Variants in MYO9B observed in about 807,000 individuals in gnomAD.
MYO9B encodes the protein myosin IXB, also known as unconventional myosin-IXb.
Under a neutral mutation model 229.5 loss-of-function variants are expected in MYO9B, and 71 were observed. That is an observed-to-expected ratio of 0.31 (90% CI 0.26 to 0.38). The LOEUF (loss-of-function observed/expected upper bound fraction) is 0.38, where lower values mean the gene tolerates loss of function less well. Among genes scored for constraint, MYO9B ranks in the 10% least tolerant of loss-of-function variants. MYO9B has a pLI of 1.00. For missense variants in MYO9B, 2,255 were observed against 2,920.5 expected (o/e 0.77, Z 5.25); for synonymous variants, 1,185 against 1,235.8 (o/e 0.96, Z 0.86).
At chr19:17,173,077 A>C in intron 13 of MYO9B, 114 bp downstream of exon 13, 2 of 1,248,280 alleles carry the variant, frequency 1.6e-6, no homozygotes, top group Non-Finnish European at 2.2e-6. Context: ...TATGTTGTGC[A>C]AACGCCACCT....
At chr19:17,104,354 T>G (rs1308705239) in intron 2 of MYO9B, among the ~76,000 whole-genome samples, 1 of 152,142 alleles carries the variant, frequency 6.6e-6, no homozygotes, top group African/African-American at 2.4e-5. Context: ...CTGCCCACTG[T>G]TCATTGCCCT....
rs2057749559 is a variant in MYO9B at position 17,101,999 on chromosome 19, G to A, written c.282G>A (p.Arg94=). 2 of 1,612,804 alleles carry A rather than the reference G, an allele frequency of 1.2e-6. No homozygotes were observed. Among genetic ancestry groups the A allele is most frequent in the Non-Finnish European group, 1.7e-6 (2 of 1,179,874 alleles). ...ACCGGGTGCTGCTATGGCCCCGGCG[G>A]GCACAGGACGAGCACCCTCAGGAGG... is the stretch of plus-strand genomic sequence containing the variant. ...PVHRVLLWPR[R]AQDEHPQEDG... The change falls in exon 2 of 40, where the codon CGG becomes CGA. Residue 94 remains arginine (R), a synonymous_variant. Transcript: ENST00000682292. This position sits in a 1 kb window ranked among gnomAD's most constrained non-coding sequence, Gnocchi z 4.7.
chr19:17,198,854 G>A (rs946703008), intron 24 of MYO9B, among the ~76,000 whole-genome samples: 9 of 151,360 alleles, frequency 5.9e-5, no homozygotes, highest in Non-Finnish European at 7.4e-5. Context: ...TGTCTCTATC[G>A]GCACTTGGCC....
At chr19:17,197,455 G>GATAGATAGATAGACAGATAC (rs1555704440) in intron 22 of MYO9B, among the ~76,000 whole-genome samples, 1 of 148,032 alleles carries the variant, frequency 6.8e-6, no homozygotes, top group African/African-American at 2.5e-5. Flanking sequence ...TAGATACATA[G>GATAGATAGATAGACAGATAC]ATAGATAGAT....
Position 17,076,111 on chromosome 19 carries a change from A to T in MYO9B, c.-59+237A>T, listed in dbSNP as rs541676534. Among the ~76,000 whole-genome samples the T allele has an allele frequency of 3.5e-5, 5 of 143,334 alleles. No individual in the cohort carries two copies. In the East Asian group the frequency reaches 1.0e-3, roughly 29 times the overall value. The allele number at this position is 143,334 out of a possible 152,430, so 94.0% of individuals were successfully genotyped here. On this transcript the variant is annotated intron_variant, in intron 1 of 39. Transcript: ENST00000682292. ...GGAGTTCGAGGGCGTGGGGGGGGTG[A>T]GTCTTGTGGCTTTGAGCAGCTTCTC...
rs1231246616 is a variant in MYO9B at position 17,163,371 on chromosome 19, A to AC, written c.1671+250dup. Among the ~76,000 whole-genome samples, 7 of 59,136 alleles carry AC rather than the reference A, an allele frequency of 1.2e-4. No individual in the cohort carries two copies. The East Asian group carries it at 3.1e-3, about 26-fold the overall frequency. The allele number at this position is 59,136 out of a possible 152,430, so 38.8% of individuals were successfully genotyped here. ...GCAAGCCCTGAACTCACCCCATTCC[A>AC]CTTTTTTTTTTTTTTTTTTTTTTGA... On this transcript the variant is annotated intron_variant, in intron 10 of 39. Transcript: ENST00000682292.
chr19:17,120,164 C>G (rs1437502906), intron 2 of MYO9B, among the ~76,000 whole-genome samples: 1 of 152,134 alleles, frequency 6.6e-6, no homozygotes, highest in East Asian at 1.9e-4. Flanking sequence ...TCAGGAGCAG[C>G]AAGGGTCTTT....
chr19:17,117,842 G>A (rs1599340580), intron 2 of MYO9B, among the ~76,000 whole-genome samples: 1 of 150,378 alleles, frequency 6.6e-6, no homozygotes, highest in East Asian at 2.0e-4. Context: ...GGAAGCTGAG[G>A]CAGGAGAATG....
chr19:17,180,882 TC>T, intron 14 of MYO9B, 44 bp from the exon 15 acceptor site: 1 of 1,378,158 alleles, frequency 7.3e-7, no homozygotes, highest in Non-Finnish European at 1.0e-6. Context: ...TGCTTCTAAC[TC>T]CATCTTCTTT....
rs2145248680 is a variant in MYO9B at position 17,147,887 on chromosome 19, G to A, written c.935+2396G>A. On this transcript the variant is annotated intron_variant, in intron 3 of 39. Transcript: ENST00000682292. ...AGTAGAGATGGGGTTTCTCAATGTT[G>A]GTCAGGCTGGTCTCGAACTCCCGAC... 2.0e-5 allele frequency among the ~76,000 whole-genome samples: 3 copies of A among 151,032 alleles called. No homozygotes were observed. In the South Asian group the frequency reaches 6.3e-4, roughly 32 times the overall value.
chr19:17,094,665 G>A (rs1215906914), intron 1 of MYO9B, among the ~76,000 whole-genome samples: 1 of 152,176 alleles, frequency 6.6e-6, no homozygotes, highest in African/African-American at 2.4e-5. Flanking sequence ...AATTTGGCTG[G>A]GTGTGGTAGC....
chr19:17,160,512 T>TTC (rs1194919395), intron 8 of MYO9B, among the ~76,000 whole-genome samples: 1 of 102,534 alleles, frequency 9.8e-6, no homozygotes, highest in Non-Finnish European at 2.4e-5. Flanking sequence ...TTTTTTTTCT[T>TTC]TTTTTTTTTT....
At chr19:17,118,098 G>A (rs1037098816) in intron 2 of MYO9B, among the ~76,000 whole-genome samples, 3 of 151,992 alleles carry the variant, frequency 2.0e-5, no homozygotes, top group Non-Finnish European at 4.4e-5. Flanking sequence ...GATGCTACTG[G>A]CTTCTGGTGG....
intron 2 of MYO9B, among the ~76,000 whole-genome samples, chr19:17,139,925 C>T (rs2072317020): frequency 6.6e-6 from 1 of 151,838 alleles, no homozygotes; most frequent in Admixed American, 6.6e-5. Context: ...CCTGTAATCC[C>T]AGCTATTCGG....
intron 2 of MYO9B, among the ~76,000 whole-genome samples, chr19:17,103,051 T>C (rs1253355518): frequency 2.0e-5 from 2 of 101,400 alleles, no homozygotes. Flanking sequence ...GCCCCCTCTC[T>C]ACAAAAAAAA....
intron 14 of MYO9B, among the ~76,000 whole-genome samples, chr19:17,180,341 A>ATTTTTT (rs776734202): frequency 2.3e-5 from 2 of 87,984 alleles, no homozygotes; most frequent in Non-Finnish European, 4.1e-5. Context: ...GATGGAAATA[A>ATTTTTT]TTTTTTTTTT....
At chr19:17,168,918 G>A (rs1260313069) in intron 11 of MYO9B, among the ~76,000 whole-genome samples, 1 of 152,198 alleles carries the variant, frequency 6.6e-6, no homozygotes, top group Non-Finnish European at 1.5e-5. Flanking sequence ...TGTGAAGGCA[G>A]ACAGGTCAAT....
intron 2 of MYO9B, among the ~76,000 whole-genome samples, chr19:17,118,936 A>G (rs1599341832): frequency 6.6e-6 from 1 of 152,190 alleles, no homozygotes; most frequent in African/African-American, 2.4e-5. Context: ...CCCTCAGTGC[A>G]GGCCGGCCTG....
intron 10 of MYO9B, among the ~76,000 whole-genome samples, chr19:17,167,495 G>A (rs1484966420): frequency 1.8e-5 from 2 of 109,038 alleles, no homozygotes; most frequent in African/African-American, 7.2e-5. Flanking sequence ...TTTTTTTTGT[G>A]ACGGAGTTTC....
Sources: allele counts gnomAD v4.1 joint callset (sites outside exome capture counted in the v4.1 genomes callset), GRCh38; gene constraint gnomAD v4.1.1; non-coding constraint Gnocchi (gnomAD v3.1); transcripts MANE v1.5; gene names NCBI Gene and HGNC (gene_info 2026-07-23, HGNC 2026-07-21).